The following AOAH variants were observed in gnomAD, a reference collection of about 807,000 sequenced individuals.
AOAH encodes the protein acyloxyacyl hydrolase (neutrophil).
A neutral mutation model predicts 92.2 loss-of-function variants in AOAH; 64 were observed. The ratio of observed to expected loss-of-function variants is 0.69; its 90% CI spans 0.57 to 0.86. AOAH has a LOEUF of 0.86. AOAH is among the 40% of genes least tolerant of loss of function. The pLI is 0.00. For missense variants in AOAH, 656 were observed against 694.6 expected, an observed-to-expected ratio of 0.94 and a Z score of 0.62; for synonymous variants, 263 against 254.5, an observed-to-expected ratio of 1.03 and a Z score of -0.32.
chr7:36,618,511 A>G (rs2116015383), intron 9 of AOAH, among the ~76,000 whole-genome samples, 166 bp from the exon 10 acceptor site: 1 of 152,358 alleles, frequency 6.6e-6, no homozygotes, highest in South Asian at 2.1e-4. Flanking sequence ...TGTGCGAGCG[A>G]GTCGGGTTTG....
intron 3 of AOAH, chr7:36,660,942 T>C (rs1299052751): frequency 1.3e-5 from 2 of 152,230 alleles, no homozygotes; most frequent in Non-Finnish European, 2.9e-5. Context: ...TAAACTCTTA[T>C]TACATTTTGA....
chr7:36,694,009 T>C (rs1422469971), intron 1 of AOAH, among the ~76,000 whole-genome samples: 1 of 152,254 alleles, frequency 6.6e-6, no homozygotes, highest in Non-Finnish European at 1.5e-5. Flanking sequence ...TTGAACATTA[T>C]TTTAAATGGT....
chr7:36,564,201 A>G (rs1787508464), intron 13 of AOAH, among the ~76,000 whole-genome samples: 1 of 152,124 alleles, frequency 6.6e-6, no homozygotes, highest in Non-Finnish European at 1.5e-5. Flanking sequence ...TTATTTCTTC[A>G]GGGCTCTCAG....
intron 20 of AOAH, among the ~76,000 whole-genome samples, chr7:36,519,127 ATTTC>A (rs1783977874): frequency 6.6e-6 from 1 of 152,076 alleles, no homozygotes; most frequent in African/African-American, 2.4e-5. Flanking sequence ...ACGTTGGGCT[ATTTC>A]TTTCTTGCTT....
chr7:36,566,160 A>G lies in AOAH; in HGVS notation c.1021+10414T>C, dbSNP rs140675378. ...TTGTATTATGTTTCCTCATGATTAC[A>G]TTCAGGTTATGCAATTTTTGGCAAG... On this transcript the variant is annotated intron_variant, in intron 13 of 20. Transcript: ENST00000617537. Among the ~76,000 whole-genome samples the G allele has an allele frequency of 5.7e-3, 844 of 148,242 alleles. 7 individuals carry two copies. Among genetic ancestry groups the G allele is most frequent in the Middle Eastern group, 0.028 (8 of 290 alleles).
chr7:36,595,455 C>T (rs1790034629), intron 11 of AOAH, among the ~76,000 whole-genome samples: 1 of 152,158 alleles, frequency 6.6e-6, no homozygotes, highest in Non-Finnish European at 1.5e-5. Context: ...ATTGCTTGAG[C>T]CCAGGACGTC....
intron 6 of AOAH, among the ~76,000 whole-genome samples, chr7:36,629,658 A>T (rs1403531568): frequency 2.0e-5 from 3 of 152,206 alleles, no homozygotes; most frequent in Admixed American, 6.5e-5. Flanking sequence ...AAGATTGGCT[A>T]GGAAGAGTTT....
intron 3 of AOAH, among the ~76,000 whole-genome samples, chr7:36,664,332 T>C (rs1157705270): frequency 6.6e-6 from 1 of 152,210 alleles, no homozygotes; most frequent in Non-Finnish European, 1.5e-5. Flanking sequence ...TTTTTGCATG[T>C]AGATGTCCAT....
chr7:36,693,465 C>T (rs1437077610), intron 1 of AOAH, among the ~76,000 whole-genome samples: 2 of 152,076 alleles, frequency 1.3e-5, no homozygotes, highest in East Asian at 3.8e-4. Flanking sequence ...TTGAAAAGCC[C>T]ACCTCCTTGA....
At chr7:36,538,839 A>G (rs1022187414) in intron 16 of AOAH, among the ~76,000 whole-genome samples, 24 of 152,220 alleles carry the variant, frequency 1.6e-4, no homozygotes, top group African/African-American at 5.8e-4. Flanking sequence ...GAGGCTGTAC[A>G]GTGTTTTGCT....
intron 16 of AOAH, among the ~76,000 whole-genome samples, chr7:36,535,605 G>T (rs1785007810): frequency 6.6e-6 from 1 of 152,212 alleles, no homozygotes; most frequent in African/African-American, 2.4e-5. Flanking sequence ...TTGCAGCCAG[G>T]AGTCCCTGGC....
At chr7:36,581,439 C>T (rs1788926621) in intron 12 of AOAH, among the ~76,000 whole-genome samples, 1 of 152,162 alleles carries the variant, frequency 6.6e-6, no homozygotes, top group African/African-American at 2.4e-5. Context: ...TACTCAAAAG[C>T]CTGAAATGGA....
chr7:36,681,980 G>A (rs76654299), intron 2 of AOAH, among the ~76,000 whole-genome samples: 3,912 of 152,298 alleles, frequency 0.026, 154 homozygotes, highest in African/African-American at 0.089. Flanking sequence ...AAAGTAGAGG[G>A]AAGCAATGGA....
At chr7:36,711,267 T>C (rs552678368) in intron 1 of AOAH, among the ~76,000 whole-genome samples, 27 of 152,310 alleles carry the variant, frequency 1.8e-4, no homozygotes, top group African/African-American at 5.8e-4. Context: ...TAATGGGGAT[T>C]TTACTCTGCT....
chr7:36,723,846 T>C (rs1042112408), intron 1 of AOAH, among the ~76,000 whole-genome samples, 176 bp downstream of exon 1: 3 of 152,194 alleles, frequency 2.0e-5, no homozygotes, highest in African/African-American at 4.8e-5. Context: ...TAGATGTATG[T>C]AGTGTCAATG....
chr7:36,636,149 C>G (rs1013787619), intron 5 of AOAH, among the ~76,000 whole-genome samples: 1 of 152,230 alleles, frequency 6.6e-6, no homozygotes, highest in Non-Finnish European at 1.5e-5. Flanking sequence ...TTATTAATTA[C>G]TCTCCGAGCA....
In AOAH at chr7:36,614,256, T is replaced by C. The variant is rs1791689140; in HGVS notation, c.846+2124A>G. On this transcript the variant is annotated intron_variant, in intron 11 of 20. Coordinates refer to ENST00000617537, the MANE Select transcript of AOAH (RefSeq NM_001637.4). The surrounding 1 kb of genome is among the most constrained non-coding windows in gnomAD (Gnocchi z 4.2). ...CACTGCCCCACATTTTTTATTGTGT[T>C]GTTTGATAGGTCCATCCAGAAGTAA... Among the ~76,000 whole-genome samples, 1 of 152,068 alleles carries C rather than the reference T, an allele frequency of 6.6e-6. No homozygotes were observed. The highest frequency in any genetic ancestry group is 1.5e-5 in the Non-Finnish European group (1 of 68,016).
chr7:36,558,923 C>T (rs1179158942), intron 13 of AOAH, among the ~76,000 whole-genome samples: 2 of 152,284 alleles, frequency 1.3e-5, no homozygotes, highest in Non-Finnish European at 2.9e-5. Flanking sequence ...ACCCCTTGCA[C>T]TTCCCGAGTG....
At chr7:36,670,274 G>A (rs1414509113) in intron 3 of AOAH, among the ~76,000 whole-genome samples, 4 of 152,112 alleles carry the variant, frequency 2.6e-5, no homozygotes, top group South Asian at 2.1e-4. Flanking sequence ...CATCAATCTC[G>A]AGCTGTGTCT....
Sources: gnomAD v4.1 joint callset for allele counts (sites outside exome capture counted in the v4.1 genomes callset) on GRCh38, gnomAD v4.1.1 for gene constraint, Gnocchi (gnomAD v3.1) non-coding constraint, MANE v1.5 for transcripts, NCBI Gene and HGNC (gene_info 2026-07-23, HGNC 2026-07-21) for gene names.